The following CTNNA3 variants were observed in gnomAD, a reference collection of about 807,000 sequenced individuals.
CTNNA3 encodes catenin alpha 3.
In CTNNA3, 76 loss-of-function variants were observed where a neutral mutation model predicts 95.7. That is an observed-to-expected ratio of 0.79 (90% CI 0.66 to 0.96). CTNNA3 has a LOEUF of 0.96. Ranked by LOEUF, CTNNA3 falls within the 40% of genes least tolerant of loss-of-function variation. The pLI, the probability that CTNNA3 is intolerant of heterozygous loss-of-function variation, is 0.00. For synonymous variants in CTNNA3, 431 were observed against 374.4 expected (o/e 1.15, Z -1.74); for missense variants, 1,191 against 1,089.8 (o/e 1.09, Z -1.31).
At chr10:66,627,600 A>G (rs944944225) in intron 9 of CTNNA3, among the ~76,000 whole-genome samples, 4 of 152,138 alleles carry the variant, frequency 2.6e-5, no homozygotes, top group African/African-American at 9.7e-5. Flanking sequence ...GGATACTTTC[A>G]ACAAAGTTGA....
intron 7 of CTNNA3, among the ~76,000 whole-genome samples, chr10:66,839,309 G>C (rs1360618191): frequency 6.6e-6 from 1 of 152,114 alleles, no homozygotes; most frequent in Non-Finnish European, 1.5e-5. Context: ...TTGGAAAGGA[G>C]AGAAGGGGTA....
chr10:66,249,893 C>T (rs576099128), intron 13 of CTNNA3, among the ~76,000 whole-genome samples: 1 of 152,046 alleles, frequency 6.6e-6, no homozygotes, highest in Non-Finnish European at 1.5e-5. Context: ...AATCCCACTG[C>T]AAGGTATATA....
chr10:66,395,899 T>G (rs1429701415), intron 11 of CTNNA3, among the ~76,000 whole-genome samples: 1 of 152,024 alleles, frequency 6.6e-6, no homozygotes, highest in Non-Finnish European at 1.5e-5. Context: ...GCAAAAATGG[T>G]ACCCAATAGG....
At chr10:65,970,559 CAAAGT>C (rs975410413) in intron 16 of CTNNA3, among the ~76,000 whole-genome samples, 1 of 151,442 alleles carries the variant, frequency 6.6e-6, no homozygotes. Context: ...TCAATAAGCT[CAAAGT>C]AAAGGGTTGA....
In CTNNA3 at chr10:66,360,723, CCTTTCTTTCTTTCTTT is replaced by C. The variant is rs796498927; in HGVS notation, c.1732+18413_1732+18428del. Reference sequence around the variant, plus strand: ...TTCTTTCTTTCCTCCTTCCTTTCTTCCTTTCTTTCTTTCTTTCTTTCTTCCTTCCTTCCTTCCTTCC... The same window carrying C: ...TTCTTTCTTTCCTCCTTCCTTTCTTCCTTTCTTCCTTCCTTCCTTCCTTCC... On this transcript the variant is annotated intron_variant, in intron 12 of 17. Coordinates refer to ENST00000433211, the MANE Select transcript of CTNNA3 (RefSeq NM_013266.4). Among the ~76,000 whole-genome samples, 2 of 47,780 alleles carry C rather than the reference CCTTTCTTTCTTTCTTT, an allele frequency of 4.2e-5. 1 individual carries two copies. Among genetic ancestry groups the C allele is most frequent in the Non-Finnish European group, 7.8e-5 (2 of 25,672 alleles). The allele number at this position is 47,780 out of a possible 152,430, so 31.3% of individuals were successfully genotyped here. A position where few individuals can be genotyped will look rare whatever the true frequency, so the allele number is the denominator to read the frequency against.
At chr10:67,720,271 C>G (rs1385334159) in intron 1 of CTNNA3, among the ~76,000 whole-genome samples, 8 of 150,484 alleles carry the variant, frequency 5.3e-5, no homozygotes. Context: ...TTGGTCTTGA[C>G]TGTTTATCCA....
Position 67,756,420 on chromosome 10 carries a change from T to A in CTNNA3, c.-2+7014A>T, listed in dbSNP as rs546192390. On this transcript the variant is annotated intron_variant, in intron 1 of 17. Transcript: ENST00000684154. The stretch of plus-strand genomic sequence containing the variant: ...TATTTACAAATCATGTATTAAATTA[T>A]CATATGTACCTCAAAACAATGTACA... 7.2e-5 allele frequency among the ~76,000 whole-genome samples: 11 copies of A among 152,332 alleles called. No individual in the cohort carries two copies. In the East Asian group the frequency reaches 1.9e-3, roughly 27 times the overall value.
intron 1 of CTNNA3, among the ~76,000 whole-genome samples, chr10:67,739,980 A>C (rs1035178845): frequency 8.5e-5 from 13 of 152,178 alleles, no homozygotes; most frequent in African/African-American, 2.4e-4. Context: ...ATGGAACAGA[A>C]CAGAGCCCTC....
intron 13 of CTNNA3, among the ~76,000 whole-genome samples, chr10:66,166,674 A>T (rs1208255481): frequency 1.3e-5 from 2 of 152,168 alleles, no homozygotes; most frequent in East Asian, 3.9e-4. Context: ...CTCATGTGAC[A>T]ATGTGGGAGG....
At chr10:66,795,921 A>G (rs1841171521) in intron 7 of CTNNA3, among the ~76,000 whole-genome samples, 1 of 152,024 alleles carries the variant, frequency 6.6e-6, no homozygotes, top group South Asian at 2.1e-4. Context: ...GCATCCTCAC[A>G]TTTCTCAGCT....
chr10:67,112,471 A>G (rs1021331185), intron 7 of CTNNA3, among the ~76,000 whole-genome samples: 1 of 152,174 alleles, frequency 6.6e-6, no homozygotes, highest in African/African-American at 2.4e-5. Flanking sequence ...GGATCTTGTC[A>G]GCACTTATTT....
chr10:67,318,891 G>A (rs1841183417), intron 5 of CTNNA3, among the ~76,000 whole-genome samples: 1 of 152,182 alleles, frequency 6.6e-6, no homozygotes, highest in South Asian at 2.1e-4. Flanking sequence ...AGACCTAACT[G>A]CTACCCTTCA....
Position 66,613,392 on chromosome 10 carries a change from G to A in CTNNA3, c.1374+8300C>T, listed in dbSNP as rs78921170. ...GCCCCTGCCTCACCCTAGCTTCATG[G>A]ATGCTCCCAGTAGGTGGTCCGTAAG... On this transcript the variant is annotated intron_variant, in intron 10 of 17. Transcript: ENST00000433211. 4.4e-3 allele frequency among the ~76,000 whole-genome samples: 676 copies of A among 152,088 alleles called. 20 individuals carry two copies. In the East Asian group the frequency reaches 0.088, roughly 20 times the overall value.
At chr10:66,158,830 T>C (rs552555493) in intron 13 of CTNNA3, among the ~76,000 whole-genome samples, 1 of 152,198 alleles carries the variant, frequency 6.6e-6, no homozygotes, top group East Asian at 1.9e-4. Flanking sequence ...CTTTCAGCAG[T>C]GTTTTGTAGT....
rs75917863 is a variant in CTNNA3 at position 66,400,074 on chromosome 10, C to A, written c.1532-20722G>T. On this transcript the variant is annotated intron_variant, in intron 11 of 17. Transcript: ENST00000433211. ...ATATATGTGTGCATACATACATATG[C>A]TTTTTATAGCCTATTAAATTTAGTA... Among the ~76,000 whole-genome samples, 937 of 151,982 alleles carry A rather than the reference C, an allele frequency of 6.2e-3. 5 individuals are homozygous for A. The highest frequency in any genetic ancestry group is 0.02 in the African/African-American group (847 of 41,494).
At chr10:67,238,131 G>A (rs944646525) in intron 5 of CTNNA3, among the ~76,000 whole-genome samples, 2 of 152,158 alleles carry the variant, frequency 1.3e-5, no homozygotes, top group African/African-American at 2.4e-5. Flanking sequence ...AACACATTTT[G>A]TAATCTGCCA....
At chr10:67,255,773 G>A (rs1866326232) in intron 5 of CTNNA3, among the ~76,000 whole-genome samples, 1 of 152,106 alleles carries the variant, frequency 6.6e-6, no homozygotes, top group Non-Finnish European at 1.5e-5. Flanking sequence ...GGTTCACAGT[G>A]TTTTAGTTTT....
intron 9 of CTNNA3, among the ~76,000 whole-genome samples, chr10:66,637,599 C>T (rs1348224345): frequency 6.6e-6 from 1 of 152,216 alleles, no homozygotes; most frequent in Non-Finnish European, 1.5e-5. Flanking sequence ...TCTGGCTTTG[C>T]TCAGTGTATG....
intron 10 of CTNNA3, among the ~76,000 whole-genome samples, chr10:66,585,926 A>T (rs376958967): frequency 9.2e-5 from 14 of 151,746 alleles, no homozygotes; most frequent in African/African-American, 3.4e-4. Context: ...TTTTTGATTC[A>T]ATTGGGTTTA....
Sources: gnomAD v4.1 joint callset for allele counts (sites outside exome capture counted in the v4.1 genomes callset) on GRCh38, gnomAD v4.1.1 for gene constraint, MANE v1.5 for transcripts, NCBI Gene and HGNC (gene_info 2026-07-23, HGNC 2026-07-21) for gene names.